Variants in DAB1 observed in about 807,000 individuals in gnomAD.
DAB1 encodes the protein disabled homolog 1.
A neutral mutation model predicts 64.6 loss-of-function variants in DAB1; 15 were observed. The observed-to-expected ratio is 0.23, with a 90% CI of 0.16 to 0.36. DAB1 has a LOEUF of 0.36. Among genes scored for constraint, DAB1 ranks in the 10% least tolerant of loss-of-function variants. The probability of loss-of-function intolerance (pLI) is 1.00; values close to 1 mark genes in which losing one functional copy is unlikely to be tolerated. For synonymous variants in DAB1, 235 were observed against 251.9 expected, an observed-to-expected ratio of 0.93 and a Z score of 0.64; for missense variants, 596 against 706.7, an observed-to-expected ratio of 0.84 and a Z score of 1.78.
intron 4 of DAB1, among the ~76,000 whole-genome samples, chr1:58,214,313 T>C (rs1658727326): frequency 6.6e-6 from 1 of 152,196 alleles, no homozygotes; most frequent in African/African-American, 2.4e-5. Flanking sequence ...TCCCCTGTTG[T>C]GTGCTCACAT....
At chr1:58,304,220 A>T (rs1456878446) in intron 4 of DAB1, among the ~76,000 whole-genome samples, 1 of 152,144 alleles carries the variant, frequency 6.6e-6, no homozygotes, top group Non-Finnish European at 1.5e-5. Context: ...TAGCTTTGAA[A>T]GCCATCGTTT....
chr1:57,115,438 G>A (rs551090684), intron 4 of DAB1, among the ~76,000 whole-genome samples: 26 of 152,314 alleles, frequency 1.7e-4, no homozygotes, highest in African/African-American at 6.0e-4. Flanking sequence ...GAACAGCCCA[G>A]TCTGAAAGCT....
chr1:57,728,980 T>A (rs1647296797), intron 6 of DAB1, among the ~76,000 whole-genome samples: 1 of 152,224 alleles, frequency 6.6e-6, no homozygotes, highest in Non-Finnish European at 1.5e-5. Flanking sequence ...TATGCTTATG[T>A]CGACTTTGTA....
Position 57,347,021 on chromosome 1 carries a change from C to T in DAB1, c.-136-55855G>A, listed in dbSNP as rs540676442. 4.6e-5 allele frequency among the ~76,000 whole-genome samples: 7 copies of T among 152,224 alleles called. No individual in the cohort carries two copies. The South Asian group carries it at 1.5e-3, about 32-fold the overall frequency. On this transcript the variant is annotated intron_variant, in intron 1 of 14. Transcript: ENST00000371236. The stretch of plus-strand genomic sequence containing the variant: ...ACAAATAAACCAAAATATACCTTTT[C>T]TAATGTTAGGTAGTCATAAAAGCTA...
intron 4 of DAB1, among the ~76,000 whole-genome samples, chr1:57,128,850 C>G (rs1657383900): frequency 6.6e-6 from 1 of 152,156 alleles, no homozygotes. Flanking sequence ...AAGAGGCCCT[C>G]ACTATGCCCA....
intron 9 of DAB1, chr1:57,033,385 C>A (rs751993927): frequency 6.2e-7 from 1 of 1,612,858 alleles, no homozygotes; most frequent in South Asian, 1.1e-5. Flanking sequence ...CAAGGCCTTA[C>A]CTTCGTTGCC....
chr1:57,783,236 A>C (rs994802554), intron 6 of DAB1, among the ~76,000 whole-genome samples: 1 of 150,678 alleles, frequency 6.6e-6, no homozygotes, highest in African/African-American at 2.4e-5. Flanking sequence ...CAGCCTCTTG[A>C]ATAGCTGGGA....
At chr1:58,224,670 A>C (rs1659363960) in intron 4 of DAB1, among the ~76,000 whole-genome samples, 1 of 152,172 alleles carries the variant, frequency 6.6e-6, no homozygotes, top group Admixed American at 6.5e-5. Flanking sequence ...AGGGGGCAAG[A>C]CATGATTTGT....
chr1:58,541,614 C>CAAAAAAAAAAAAAAAAAAAAAAAAA (rs60360589), intron 1 of DAB1: 17 of 65,624 alleles, frequency 2.6e-4, no homozygotes, highest in East Asian at 7.1e-4. Context: ...GAGAACCTGT[C>CAAAAAAAAAAAAAAAAAAAAAAAAA]AAAAAAAAAA....
At chr1:58,449,093 G>A (rs954980954) in intron 3 of DAB1, among the ~76,000 whole-genome samples, 2 of 152,204 alleles carry the variant, frequency 1.3e-5, no homozygotes, top group South Asian at 2.1e-4. Context: ...ATACATCCAC[G>A]CGTGCATGAA....
chr1:57,473,862 T>C (rs561932063), intron 7 of DAB1, among the ~76,000 whole-genome samples: 1 of 152,288 alleles, frequency 6.6e-6, no homozygotes, highest in East Asian at 1.9e-4. Context: ...TATTTAACCA[T>C]AATAACCGTA....
Position 57,580,090 on chromosome 1 carries a change from T to C in DAB1, n.625+69502A>G, listed in dbSNP as rs572940162. ...AACGTGCTCTGTAGCACAGCGGCTG[T>C]CCCTAGTTGTCTGACACCTGGCCCT... On this transcript the variant is annotated intron_variant and non_coding_transcript_variant, in intron 7 of 20. Transcript: ENST00000485760. Among the ~76,000 whole-genome samples, 5 of 151,888 alleles carry C rather than the reference T, an allele frequency of 3.3e-5. No individual in the cohort carries two copies. In the South Asian group the frequency reaches 1.0e-3, roughly 32 times the overall value.
At chr1:57,728,072 G>A (rs551909514) in intron 6 of DAB1, among the ~76,000 whole-genome samples, 17 of 152,268 alleles carry the variant, frequency 1.1e-4, no homozygotes, top group Admixed American at 5.2e-4. Flanking sequence ...TTCTTATAGA[G>A]AAGTTAATGA....
intron 4 of DAB1, among the ~76,000 whole-genome samples, chr1:57,109,049 C>T (rs1388548491): frequency 2.0e-5 from 3 of 152,178 alleles, no homozygotes; most frequent in Non-Finnish European, 4.4e-5. Flanking sequence ...GGACTTCCAT[C>T]CTGCTATGGC....
chr1:57,223,993 G>A (rs1312560396), intron 2 of DAB1, among the ~76,000 whole-genome samples: 3 of 152,114 alleles, frequency 2.0e-5, no homozygotes, highest in African/African-American at 7.2e-5. Flanking sequence ...TTTATGTGAG[G>A]TACTCCCCCT....
intron 2 of DAB1, among the ~76,000 whole-genome samples, chr1:57,223,077 A>C (rs1023624427): frequency 1.6e-4 from 25 of 151,954 alleles, no homozygotes; most frequent in African/African-American, 6.0e-4. Context: ...GCTCCTGCAG[A>C]AGATCTCCAC....
intron 9 of DAB1, 144 bp from the exon 10 acceptor site, chr1:57,026,187 T>C (rs551987923): frequency 4.5e-4 from 277 of 620,198 alleles, no homozygotes; most frequent in Non-Finnish European, 3.4e-4. Flanking sequence ...GTCATTACTA[T>C]ACCTCAGGAT....
chr1:57,497,158 G>T (rs1292231272), intron 7 of DAB1, among the ~76,000 whole-genome samples: 2 of 152,182 alleles, frequency 1.3e-5, no homozygotes, highest in African/African-American at 2.4e-5. Flanking sequence ...ATAGCCTTTA[G>T]ACCCTAAACA....
chr1:57,355,017 C>T (rs1678949460), intron 1 of DAB1, among the ~76,000 whole-genome samples: 2 of 151,950 alleles, frequency 1.3e-5, no homozygotes, highest in Admixed American at 6.6e-5. Flanking sequence ...GTCTTCTTGG[C>T]CCAAAGAAAG....
Sources: gnomAD v4.1 joint callset for allele counts (sites outside exome capture counted in the v4.1 genomes callset) on GRCh38, gnomAD v4.1.1 for gene constraint, MANE v1.5 for transcripts, NCBI Gene and HGNC (gene_info 2026-07-23, HGNC 2026-07-21) for gene names.